Variants in SCAF4 observed in about 807,000 individuals in gnomAD.
The protein encoded by SCAF4 is SR-related and CTD-associated factor 4.
Under a neutral mutation model 129.8 loss-of-function variants are expected in SCAF4, and 25 were observed. The ratio of observed to expected loss-of-function variants is 0.19; its 90% CI spans 0.14 to 0.27. SCAF4 has a LOEUF of 0.27. Among genes scored for constraint, SCAF4 ranks in the 10% least tolerant of loss-of-function variants. The pLI, the probability that SCAF4 is intolerant of heterozygous loss-of-function variation, is 1.00. For missense variants in SCAF4, 1,246 were observed against 1,457.1 expected (o/e 0.86, Z 2.36); for synonymous variants, 551 against 497.7 (o/e 1.11, Z -1.43).
chr21:31,691,651 G>A (rs930194272), intron 14 of SCAF4, among the ~76,000 whole-genome samples, 166 bp downstream of exon 14: 1 of 140,922 alleles, frequency 7.1e-6, no homozygotes, highest in African/African-American at 2.7e-5. Context: ...AAACACTGGA[G>A]TTCTTTTAGG....
intron 1 of SCAF4, chr21:31,706,677 GA>G: frequency 3.3e-5 from 10 of 302,790 alleles, no homozygotes; most frequent in South Asian, 5.6e-5. Flanking sequence ...AAATGAGGCT[GA>G]AAAAAGGCAG....
intron 1 of SCAF4, among the ~76,000 whole-genome samples, chr21:31,720,012 G>A (rs896374145): frequency 1.2e-4 from 18 of 152,160 alleles, no homozygotes; most frequent in African/African-American, 3.6e-4. Context: ...GACAGGCCAG[G>A]AGGTGATTTT....
Position 31,685,289 on chromosome 21 carries a change from T to C in SCAF4, c.2297-49A>G, listed in dbSNP as rs758244942. On this transcript the variant is annotated intron_variant, in intron 18 of 19. Transcript: ENST00000286835. ...ATGTGAAGCTGAATAATTAATTATC[T>C]CCCGGTCAACATTCTTATGCCATAC... 8.6e-6 allele frequency: 13 copies of C among 1,512,738 alleles called. No homozygotes were observed. The South Asian group carries it at 1.5e-4, about 17-fold the overall frequency. The allele number at this position is 1,512,738 out of a possible 1,614,324, so 93.7% of individuals were successfully genotyped here.
intron 1 of SCAF4, among the ~76,000 whole-genome samples, chr21:31,717,902 TATACACACACACACACACACACAC>T (rs1348658040): frequency 8.4e-5 from 8 of 95,548 alleles, no homozygotes; most frequent in Admixed American, 3.3e-4. Flanking sequence ...TATACACATA[TATACACACACACACACACACACAC>T]ACACACACAC....
At chr21:31,696,962 T>C (rs1381260271) in intron 7 of SCAF4, among the ~76,000 whole-genome samples, 1 of 152,218 alleles carries the variant, frequency 6.6e-6, no homozygotes, top group Non-Finnish European at 1.5e-5. Context: ...GTTTTCATTC[T>C]GTTTTCCTTC....
chr21:31,711,496 C>T (rs1272381704), intron 1 of SCAF4, among the ~76,000 whole-genome samples: 1 of 152,118 alleles, frequency 6.6e-6, no homozygotes, highest in African/African-American at 2.4e-5. Context: ...TAGTAACAAC[C>T]TTTATGGTGA....
chr21:31,683,462 T>C (rs1322393642), intron 19 of SCAF4, among the ~76,000 whole-genome samples: 4 of 152,352 alleles, frequency 2.6e-5, no homozygotes, highest in South Asian at 2.1e-4. Flanking sequence ...GCAGGCTACT[T>C]ACTACGCTTC....
intron 6 of SCAF4, 57 bp from the exon 7 acceptor site, chr21:31,701,228 A>T: frequency 7.1e-7 from 1 of 1,414,608 alleles, no homozygotes; most frequent in East Asian, 2.3e-5. Context: ...TACTATCAAA[A>T]GTTAATTTAA....
intron 11 of SCAF4, 32 bp from the exon 12 acceptor site, chr21:31,693,516 G>A (rs772264542): frequency 7.3e-7 from 1 of 1,368,644 alleles, no homozygotes; most frequent in South Asian, 1.8e-5. Context: ...AGAATGCATA[G>A]CATATAGACA....
At chr21:31,712,450 T>C (rs1272448067) in intron 1 of SCAF4, among the ~76,000 whole-genome samples, 1 of 151,952 alleles carries the variant, frequency 6.6e-6, no homozygotes, top group Non-Finnish European at 1.5e-5. Flanking sequence ...AATCCTGGCC[T>C]TGTGTGATCT....
At chr21:31,677,758 T>C (rs749092092) in intron 19 of SCAF4, among the ~76,000 whole-genome samples, 1 of 152,174 alleles carries the variant, frequency 6.6e-6, no homozygotes, top group South Asian at 2.1e-4. Flanking sequence ...GAGTACAGTA[T>C]AGATAGTGGT....
At chr21:31,675,117 T>C (rs1192010444) in intron 19 of SCAF4, among the ~76,000 whole-genome samples, 2 of 152,158 alleles carry the variant, frequency 1.3e-5, no homozygotes, top group African/African-American at 4.8e-5. Flanking sequence ...GTGGTGTGTG[T>C]GGTTCAGAGA....
chr21:31,717,944 C>CAT (rs1343981221), intron 1 of SCAF4, among the ~76,000 whole-genome samples: 2 of 125,192 alleles, frequency 1.6e-5, no homozygotes, highest in African/African-American at 7.1e-5. Flanking sequence ...CACACACACA[C>CAT]ACATATATAT....
chr21:31,693,339 G>A lies in SCAF4; in HGVS notation c.1468C>T (p.Arg490Cys), dbSNP rs1430728854. Residue 490 changes from arginine to cysteine, a missense_variant, in exon 12 of 20, where the codon CGT (arginine) becomes TGT (cysteine). This residue lies in a region of SCAF4 where 468 missense variants were observed against 605.5 expected (regional missense o/e 0.77). Transcript: ENST00000286835. ...ACTTGAGGGAGGCCTTTTTGTCGAC[G>A]TTCTCTCTCTTTTTCTCGATCCCGT... The part of the protein sequence containing the change: ...ERRDREKERE[R>C]RQKGLPQVKP... 2.6e-6 allele frequency: 4 copies of A among 1,528,014 alleles called. No individual in the cohort carries two copies. The highest frequency in any genetic ancestry group is 1.8e-5 in the Admixed American group (1 of 55,976). The allele number at this position is 1,528,014 out of a possible 1,614,324, so 94.7% of individuals were successfully genotyped here.
intron 19 of SCAF4, among the ~76,000 whole-genome samples, chr21:31,682,732 C>G (rs1331384102): frequency 6.6e-6 from 1 of 152,112 alleles, no homozygotes; most frequent in African/African-American, 2.4e-5. Context: ...TAAAAGAAAA[C>G]ATTAGAGCAC....
At chr21:31,704,803 C>G (rs2050616988) in intron 3 of SCAF4, among the ~76,000 whole-genome samples, 1 of 152,106 alleles carries the variant, frequency 6.6e-6, no homozygotes, top group Admixed American at 6.5e-5. Flanking sequence ...TACTACTATG[C>G]AAAGCGTTTA....
rs146232325 is a variant in SCAF4, at chr21:31,706,168, T to G, written c.114+106A>C. On this transcript the variant is annotated intron_variant, in intron 2 of 19. Coordinates refer to ENST00000286835, the MANE Select transcript of SCAF4 (RefSeq NM_020706.2). Reference sequence around the variant, plus strand: ...TCAGCAAAGGCTGGTTAGGGCTCTTTGATTTAGGCCTGAACTAATTCACAA... The same window carrying G: ...TCAGCAAAGGCTGGTTAGGGCTCTTGGATTTAGGCCTGAACTAATTCACAA... 1.2e-5 allele frequency: 9 copies of G among 745,998 alleles called. No homozygotes were observed. The East Asian group carries it at 2.4e-4, about 20-fold the overall frequency. The allele number at this position is 745,998 out of a possible 1,614,324, so 46.2% of individuals were successfully genotyped here.
rs371742868 is a variant in SCAF4 at position 31,702,683 on chromosome 21, A to C, written c.322-304T>G. On this transcript the variant is annotated intron_variant, in intron 4 of 19. Transcript: ENST00000286835. ...ACAAATAAACTATCACTGACCCCCC[A>C]AAAAAAAGCTATCTTGAAGTAAATG... Among the ~76,000 whole-genome samples the C allele has an allele frequency of 3.8e-3, 585 of 151,970 alleles. 1 individual carries two copies. Among genetic ancestry groups the C allele is most frequent in the African/African-American group, 0.01 (421 of 41,488 alleles).
intron 7 of SCAF4, among the ~76,000 whole-genome samples, chr21:31,698,241 T>A (rs1468292419): frequency 1.3e-5 from 2 of 152,180 alleles, no homozygotes; most frequent in East Asian, 3.8e-4. Flanking sequence ...ATAAAGTAGC[T>A]GAAACAGACA....
Sources: gnomAD v4.1 joint callset for allele counts (sites outside exome capture counted in the v4.1 genomes callset) on GRCh38, gnomAD v4.1.1 for gene constraint, gnomAD v4.1.1 regional missense constraint, MANE v1.5 for transcripts, NCBI Gene and HGNC (gene_info 2026-07-23, HGNC 2026-07-21) for gene names.